The following SKIC3 variants were observed in gnomAD, a reference collection of about 807,000 sequenced individuals.
SKIC3 encodes the protein superkiller complex protein 3.
the SKIC3 span, among the ~76,000 whole-genome samples, chr5:95,511,709 TAATG>T: frequency 6.6e-6 from 1 of 152,232 alleles, no homozygotes; most frequent in Admixed American, 6.5e-5. Flanking sequence ...TGTCAAAAGT[TAATG>T]AAACTAACAT....
chr5:95,541,627 T>G, the SKIC3 span, among the ~76,000 whole-genome samples: 1 of 151,878 alleles, frequency 6.6e-6, no homozygotes, highest in Admixed American at 6.6e-5. Flanking sequence ...GTTCCAAAAT[T>G]AGTCAATCCT....
At chr5:95,498,925 T>C in the SKIC3 span, among the ~76,000 whole-genome samples, 1 of 152,170 alleles carries the variant, frequency 6.6e-6, no homozygotes, top group Non-Finnish European at 1.5e-5. Context: ...GCGCCCAGCC[T>C]ATGACTAGAG....
chr5:95,537,044 T>C, the SKIC3 span: 1 of 1,613,264 alleles, frequency 6.2e-7, no homozygotes. Flanking sequence ...TCAACTTACT[T>C]TGGATAAACT....
the SKIC3 span, chr5:95,528,798 A>G: frequency 3.5e-6 from 2 of 573,924 alleles, no homozygotes; most frequent in South Asian, 2.1e-5. Flanking sequence ...AAATTTTGCT[A>G]AACATTCATT....
the SKIC3 span, among the ~76,000 whole-genome samples, chr5:95,468,169 A>G: frequency 6.6e-6 from 1 of 152,178 alleles, no homozygotes; most frequent in African/African-American, 2.4e-5. Flanking sequence ...AGTGTTTATC[A>G]TGCACTAGGT....
At chr5:95,471,453 C>A in the SKIC3 span, among the ~76,000 whole-genome samples, 1 of 152,142 alleles carries the variant, frequency 6.6e-6, no homozygotes, top group African/African-American at 2.4e-5. Context: ...TTTTCTGTGT[C>A]CCTGGATGTA....
At chr5:95,547,286 G>C in the SKIC3 span, 3 of 726,252 alleles carry the variant, frequency 4.1e-6, no homozygotes, top group South Asian at 4.6e-5. Context: ...CTTCCCTCTA[G>C]AATATACACA....
At chr5:95,512,915 C>CAA in the SKIC3 span, 12 of 271,102 alleles carry the variant, frequency 4.4e-5, no homozygotes, top group South Asian at 1.4e-4. Context: ...AAGGTCAGAC[C>CAA]AAAAAAAAAA....
the SKIC3 span, chr5:95,467,765 G>GAAGT: frequency 1.1e-5 from 16 of 1,502,502 alleles, no homozygotes; most frequent in Admixed American, 4.2e-5. Context: ...TCATAAAAGT[G>GAAGT]AAGTAACTTT....
the SKIC3 span, among the ~76,000 whole-genome samples, chr5:95,510,112 G>A: frequency 6.6e-6 from 1 of 152,040 alleles, no homozygotes; most frequent in Non-Finnish European, 1.5e-5. Flanking sequence ...AGTCAGTATT[G>A]TACACTAGAA....
chr5:95,466,148 T>C, the SKIC3 span, among the ~76,000 whole-genome samples: 3 of 152,220 alleles, frequency 2.0e-5, no homozygotes, highest in African/African-American at 4.8e-5. Flanking sequence ...GCTAAAGCTA[T>C]GAAAATTTTA....
the SKIC3 span, chr5:95,530,134 A>G: frequency 6.2e-7 from 1 of 1,613,636 alleles, no homozygotes; most frequent in South Asian, 1.1e-5. Flanking sequence ...TTGTCTTGTA[A>G]TGCTTTAATG....
chr5:95,527,088 A>G, the SKIC3 span, among the ~76,000 whole-genome samples: 2 of 152,196 alleles, frequency 1.3e-5, no homozygotes, highest in Non-Finnish European at 2.9e-5. Flanking sequence ...CCACATTAGT[A>G]ACGCCCTTTT....
At chr5:95,484,147 G>T in the SKIC3 span, among the ~76,000 whole-genome samples, 1 of 151,980 alleles carries the variant, frequency 6.6e-6, no homozygotes, top group Non-Finnish European at 1.5e-5. Flanking sequence ...TCCTCTTTAA[G>T]TCTTAGTTTT....
chr5:95,482,374 G>A, the SKIC3 span: 2 of 1,259,422 alleles, frequency 1.6e-6, no homozygotes, highest in African/African-American at 1.5e-5. Flanking sequence ...CATGGTGAGA[G>A]TGACAGCAAG....
At chr5:95,514,536 A>G in the SKIC3 span, among the ~76,000 whole-genome samples, 8 of 152,196 alleles carry the variant, frequency 5.3e-5, no homozygotes, top group Non-Finnish European at 1.2e-4. Context: ...TTTTAGGCAC[A>G]GTAATGTCAG....
At chr5:95,497,545 C>G in the SKIC3 span, 4 of 1,274,458 alleles carry the variant, frequency 3.1e-6, no homozygotes, top group Non-Finnish European at 4.5e-6. Flanking sequence ...ACAAAATGTA[C>G]AAGCAACCAA....
the SKIC3 span, among the ~76,000 whole-genome samples, chr5:95,469,111 A>G: frequency 1.3e-5 from 2 of 152,166 alleles, no homozygotes; most frequent in African/African-American, 4.8e-5. Flanking sequence ...TTGCTCCTCA[A>G]TCACTGCTTT....
At chr5:95,503,836 C>T in the SKIC3 span, 7 of 1,613,854 alleles carry the variant, frequency 4.3e-6, no homozygotes, top group Admixed American at 1.7e-5. Context: ...CTTTATAAAG[C>T]CCCTTCATGA....
Sources: allele counts gnomAD v4.1 joint callset (sites outside exome capture counted in the v4.1 genomes callset), GRCh38; gene constraint gnomAD v4.1.1; transcripts MANE v1.5; gene names NCBI Gene and HGNC (gene_info 2026-07-23, HGNC 2026-07-21).